Variants in PDZRN4 observed in about 807,000 individuals in gnomAD.
The protein encoded by PDZRN4 is PDZ domain containing ring finger 4.
Under a neutral mutation model 99.0 loss-of-function variants are expected in PDZRN4, and 70 were observed. That is an observed-to-expected ratio of 0.71 (90% CI 0.58 to 0.86). PDZRN4 has a LOEUF of 0.86. PDZRN4 is among the 40% of genes least tolerant of loss of function. PDZRN4 has a pLI of 0.00. For synonymous variants in PDZRN4, 551 were observed against 501.6 expected (o/e 1.10, Z -1.32); for missense variants, 1,474 against 1,331.2 (o/e 1.11, Z -1.67).
intron 3 of PDZRN4, among the ~76,000 whole-genome samples, chr12:41,232,977 G>A (rs1951038756): frequency 6.6e-6 from 1 of 152,084 alleles, no homozygotes; most frequent in Non-Finnish European, 1.5e-5. Context: ...TCAGATAGAT[G>A]TAGATATGCG....
At chr12:41,355,356 T>C (rs1951919736) in intron 3 of PDZRN4, among the ~76,000 whole-genome samples, 1 of 152,000 alleles carries the variant, frequency 6.6e-6, no homozygotes, top group African/African-American at 2.4e-5. Context: ...GCCCTACCCT[T>C]TTCTAGCAGT....
chr12:41,557,195 C>A (rs182557519), intron 7 of PDZRN4, among the ~76,000 whole-genome samples: 1 of 144,418 alleles, frequency 6.9e-6, no homozygotes, highest in East Asian at 2.0e-4. Context: ...GGGAGACACA[C>A]AAACTCCCCA....
intron 3 of PDZRN4, among the ~76,000 whole-genome samples, chr12:41,335,503 A>G (rs1240755633): frequency 1.3e-5 from 2 of 152,124 alleles, no homozygotes; most frequent in African/African-American, 4.8e-5. Flanking sequence ...TGAGTTTTTG[A>G]AAAACTAATT....
intron 3 of PDZRN4, among the ~76,000 whole-genome samples, chr12:41,471,423 C>T (rs1368828237): frequency 6.6e-6 from 1 of 151,848 alleles, no homozygotes; most frequent in Non-Finnish European, 1.5e-5. Flanking sequence ...CTGAATTTAG[C>T]TTTTAAAAGG....
In PDZRN4 at chr12:41,554,623, A is replaced by G. The variant is rs562303705; in HGVS notation, c.1303-1075A>G. On this transcript the variant is annotated intron_variant, in intron 6 of 9. Transcript: ENST00000402685. Reference sequence around the variant, plus strand: ...CCTAAATAAAGTTTGAAGCCATCACATGAAATCTGATAGATGAAATTACCC... The same window carrying G: ...CCTAAATAAAGTTTGAAGCCATCACGTGAAATCTGATAGATGAAATTACCC... Among the ~76,000 whole-genome samples, 42 of 152,324 alleles carry G rather than the reference A, an allele frequency of 2.8e-4. 1 individual carries two copies. The South Asian group carries it at 8.5e-3, about 31-fold the overall frequency.
At chr12:41,515,689 G>A (rs1251229440) in intron 5 of PDZRN4, among the ~76,000 whole-genome samples, 1 of 151,952 alleles carries the variant, frequency 6.6e-6, no homozygotes, top group Non-Finnish European at 1.5e-5. Flanking sequence ...CAGATGCTCT[G>A]TGGCATGTTT....
intron 7 of PDZRN4, among the ~76,000 whole-genome samples, chr12:41,562,039 C>T (rs1054904430): frequency 2.6e-5 from 4 of 152,054 alleles, no homozygotes; most frequent in Non-Finnish European, 4.4e-5. Flanking sequence ...CATTATTTCC[C>T]ATTGTGGAAT....
chr12:41,429,348 A>G (rs1952566037), intron 3 of PDZRN4, among the ~76,000 whole-genome samples: 1 of 152,234 alleles, frequency 6.6e-6, no homozygotes, highest in Non-Finnish European at 1.5e-5. Context: ...TCAATGCAGC[A>G]GTACCCAATC....
intron 3 of PDZRN4, among the ~76,000 whole-genome samples, chr12:41,430,968 GC>G (rs1952581702): frequency 6.6e-6 from 1 of 152,268 alleles, no homozygotes; most frequent in East Asian, 1.9e-4. Context: ...TGGGAGTGGT[GC>G]TACGGACTTT....
chr12:41,513,987 T>G (rs1938352993), intron 5 of PDZRN4, among the ~76,000 whole-genome samples: 1 of 152,044 alleles, frequency 6.6e-6, no homozygotes, highest in Non-Finnish European at 1.5e-5. Flanking sequence ...AAATATCACT[T>G]GAAATCATTT....
chr12:41,423,811 G>A (rs1952511364), intron 3 of PDZRN4, among the ~76,000 whole-genome samples: 1 of 152,140 alleles, frequency 6.6e-6, no homozygotes, highest in South Asian at 2.1e-4. Context: ...ATGGGGAGCT[G>A]GGGTAAGAAA....
intron 3 of PDZRN4, among the ~76,000 whole-genome samples, chr12:41,315,804 T>C (rs557939454): frequency 6.6e-6 from 1 of 152,298 alleles, no homozygotes; most frequent in South Asian, 2.1e-4. Context: ...TGTTTTACTT[T>C]TGCTGTTGTC....
intron 3 of PDZRN4, among the ~76,000 whole-genome samples, chr12:41,356,609 C>A: frequency 6.6e-6 from 1 of 151,880 alleles, no homozygotes; most frequent in East Asian, 1.9e-4. Flanking sequence ...ATTAAAGAAG[C>A]ACATAGAGAA....
intron 3 of PDZRN4, among the ~76,000 whole-genome samples, chr12:41,228,414 A>G (rs187249065): frequency 1.3e-3 from 193 of 152,262 alleles, no homozygotes; most frequent in African/African-American, 4.5e-3. Context: ...ATTTGTGAGT[A>G]TTCAAGAAAG....
At chr12:41,190,897 T>A (rs1950731774) in intron 1 of PDZRN4, among the ~76,000 whole-genome samples, 1 of 152,224 alleles carries the variant, frequency 6.6e-6, no homozygotes, top group Non-Finnish European at 1.5e-5. Context: ...TATTTTTTTA[T>A]TCTGCAGGAA....
chr12:41,453,096 T>C (rs12817240), intron 3 of PDZRN4, among the ~76,000 whole-genome samples: 7,321 of 152,262 alleles, frequency 0.048, 227 homozygotes, highest in Non-Finnish European at 0.074. Flanking sequence ...AAAAGAGCCA[T>C]GCCATTATCC....
intron 3 of PDZRN4, among the ~76,000 whole-genome samples, chr12:41,448,537 C>A (rs1952748772): frequency 6.6e-6 from 1 of 152,156 alleles, no homozygotes; most frequent in Admixed American, 6.6e-5. Context: ...CTATGCAGTT[C>A]TACCATCCCA....
chr12:41,415,928 T>C (rs1005998716), intron 3 of PDZRN4, among the ~76,000 whole-genome samples: 1 of 152,234 alleles, frequency 6.6e-6, no homozygotes, highest in Non-Finnish European at 1.5e-5. Flanking sequence ...GTGTATACTT[T>C]ACATTCATTT....
At chr12:41,420,155 C>T (rs1019953133) in intron 3 of PDZRN4, among the ~76,000 whole-genome samples, 23 of 152,128 alleles carry the variant, frequency 1.5e-4, no homozygotes, top group Non-Finnish European at 2.6e-4. Flanking sequence ...TCTCACACTG[C>T]TAAATTGTCC....
Sources: gnomAD v4.1 joint callset for allele counts (sites outside exome capture counted in the v4.1 genomes callset) on GRCh38, gnomAD v4.1.1 for gene constraint, MANE v1.5 for transcripts, NCBI Gene and HGNC (gene_info 2026-07-23, HGNC 2026-07-21) for gene names.